Variants in TOX2 observed in about 807,000 individuals in gnomAD.
TOX2 encodes the protein TOX high mobility group box family member 2.
TOX2 carries 15 observed loss-of-function variants against 47.4 expected under a neutral mutation model. That is an observed-to-expected ratio of 0.32 (90% CI 0.21 to 0.49). TOX2 has a LOEUF of 0.49. Ranked by LOEUF, TOX2 falls within the 20% of genes least tolerant of loss-of-function variation. TOX2 has a pLI of 0.99. For missense variants in TOX2, 622 were observed against 673.1 expected, an observed-to-expected ratio of 0.92 and a Z score of 0.84; for synonymous variants, 290 against 296.6, an observed-to-expected ratio of 0.98 and a Z score of 0.23.
intron 3 of TOX2, among the ~76,000 whole-genome samples, chr20:44,049,868 A>AC (rs2071478032): frequency 6.6e-6 from 1 of 151,950 alleles, no homozygotes; most frequent in East Asian, 1.9e-4. Flanking sequence ...GGTATGTACC[A>AC]CATTTTCTTT....
intron 1 of TOX2, among the ~76,000 whole-genome samples, chr20:43,927,881 A>G (rs79651162): frequency 0.037 from 5,669 of 151,226 alleles, 360 homozygotes; most frequent in African/African-American, 0.13. Flanking sequence ...AGGAACAGGT[A>G]ATTAAGACAT....
chr20:43,980,354 G>T (rs111551069), intron 2 of TOX2, among the ~76,000 whole-genome samples: 259 of 152,316 alleles, frequency 1.7e-3, no homozygotes, highest in African/African-American at 5.9e-3. Context: ...GGGAGTAGAA[G>T]GATGGTTACC....
intron 1 of TOX2, among the ~76,000 whole-genome samples, chr20:43,954,677 C>T (rs899740880): frequency 6.6e-6 from 1 of 152,162 alleles, no homozygotes; most frequent in Non-Finnish European, 1.5e-5. Context: ...TCTCTGGGCA[C>T]CTGGGCAGCC....
At chr20:44,034,912 C>T (rs377611456) in intron 3 of TOX2, among the ~76,000 whole-genome samples, 3 of 152,364 alleles carry the variant, frequency 2.0e-5, no homozygotes, top group African/African-American at 7.2e-5. Flanking sequence ...ATCACCTTCA[C>T]TCTGCTCAAT....
intron 2 of TOX2, among the ~76,000 whole-genome samples, chr20:43,984,292 A>G (rs1169164800): frequency 6.6e-6 from 1 of 152,256 alleles, no homozygotes; most frequent in Non-Finnish European, 1.5e-5. Context: ...TCAAGACCAT[A>G]GATTTTGTTC....
Position 44,053,433 on chromosome 20 carries a change from G to GATATAT in TOX2, c.652-864_652-859dup, listed in dbSNP as rs144334824. Among the ~76,000 whole-genome samples, 579 of 98,144 alleles carry GATATAT rather than the reference G, an allele frequency of 5.9e-3. 2 individuals are homozygous for GATATAT. Among genetic ancestry groups the GATATAT allele is most frequent in the African/African-American group, 0.018 (544 of 30,908 alleles). 64.4% of individuals were successfully genotyped at this position (98,144 alleles called of 152,430 possible). A position where few individuals can be genotyped will look rare whatever the true frequency, so the allele number is the denominator to read the frequency against. On this transcript the variant is annotated intron_variant, in intron 4 of 8. Coordinates refer to ENST00000341197, the MANE Select transcript of TOX2 (RefSeq NM_001098797.2). ...GATTGTGCTCACAAGTGGGAGGGCA[G>GATATAT]ATATATACACACACACACACACACA...
intron 1 of TOX2, among the ~76,000 whole-genome samples, chr20:43,921,382 G>C (rs2069111135): frequency 6.6e-6 from 1 of 152,158 alleles, no homozygotes; most frequent in South Asian, 2.1e-4. Context: ...TGGCAGACTT[G>C]GGTTTGAACA....
intron 2 of TOX2, among the ~76,000 whole-genome samples, chr20:43,978,196 G>A (rs2070113815): frequency 6.6e-6 from 1 of 152,146 alleles, no homozygotes; most frequent in Admixed American, 6.5e-5. Context: ...TTGGAACTGT[G>A]AACCCAGGAG....
chr20:44,014,891 A>T (rs1301852050), intron 3 of TOX2, among the ~76,000 whole-genome samples: 1 of 152,128 alleles, frequency 6.6e-6, no homozygotes. Context: ...AGGGGAAGGC[A>T]TATTAGTTAC....
At chr20:43,956,164 G>T (rs1010405371) in intron 1 of TOX2, among the ~76,000 whole-genome samples, 2 of 152,148 alleles carry the variant, frequency 1.3e-5, no homozygotes, top group African/African-American at 4.8e-5. Context: ...CAAGGCCCTT[G>T]TCTAGGCCCC....
At chr20:44,025,319 A>T (rs2071043024) in intron 3 of TOX2, among the ~76,000 whole-genome samples, 1 of 151,414 alleles carries the variant, frequency 6.6e-6, no homozygotes, top group Non-Finnish European at 1.5e-5. Flanking sequence ...TCATAGGGTA[A>T]AGGGGTAGCC....
chr20:44,047,463 T>C (rs2071427635), intron 3 of TOX2, among the ~76,000 whole-genome samples: 1 of 152,192 alleles, frequency 6.6e-6, no homozygotes. Flanking sequence ...TAATGAATTA[T>C]CATGAAAGTT....
Position 44,037,203 on chromosome 20 carries a change from C to T in TOX2, c.412-14103C>T, listed in dbSNP as rs547201996. Among the ~76,000 whole-genome samples, 573 of 152,362 alleles carry T rather than the reference C, an allele frequency of 3.8e-3. 3 individuals are homozygous for T. The highest frequency in any genetic ancestry group is 5.7e-3 in the Non-Finnish European group (390 of 68,034). ...TCCTGACCTCAGGTGATCCACCCAC[C>T]TTGGCCTCCCAAAGTGTTGGGATTA... On this transcript the variant is annotated intron_variant, in intron 3 of 8. Coordinates refer to ENST00000341197, the MANE Select transcript of TOX2 (RefSeq NM_001098797.2).
In TOX2 at chr20:44,053,439, T is replaced by TATATACACAC. The variant is rs373458500; in HGVS notation, c.652-859_652-858insTATACACACA. Among the ~76,000 whole-genome samples, 344 of 143,136 alleles carry TATATACACAC rather than the reference T, an allele frequency of 2.4e-3. 1 individual carries two copies. The Middle Eastern group carries it at 0.026, about 11-fold the overall frequency. 93.9% of individuals were successfully genotyped at this position (143,136 alleles called of 152,430 possible). On this transcript the variant is annotated intron_variant, in intron 4 of 8. Transcript: ENST00000341197. ...GCTCACAAGTGGGAGGGCAGATATA[T>TATATACACAC]ACACACACACACACACACACACACA...
Position 44,051,309 on chromosome 20 carries a change from CAGG to C in TOX2, c.418_420del (p.Glu140del), listed in dbSNP as rs747307369. 1 of 1,605,082 alleles carries C rather than the reference CAGG, an allele frequency of 6.2e-7. No homozygotes were observed. Among genetic ancestry groups the C allele is most frequent in the Non-Finnish European group, 8.5e-7 (1 of 1,173,534 alleles). ...CCCTCCTGTCCTCCTCTCTTAGATC[CAGG>C]AGATGGTCCACTCGGAAGTGGCTGC... On this transcript the variant is annotated inframe_deletion, in exon 4 of 9. Coordinates refer to ENST00000341197, the MANE Select transcript of TOX2 (RefSeq NM_001098797.2).
intron 1 of TOX2, among the ~76,000 whole-genome samples, chr20:43,922,916 T>C (rs1415490834): frequency 6.6e-6 from 1 of 152,132 alleles, no homozygotes; most frequent in Non-Finnish European, 1.5e-5. Flanking sequence ...ATTTACTGGG[T>C]GAATGGCTAT....
intron 2 of TOX2, among the ~76,000 whole-genome samples, chr20:43,982,918 G>C (rs2070193351): frequency 6.6e-6 from 1 of 151,724 alleles, no homozygotes; most frequent in Non-Finnish European, 1.5e-5. Flanking sequence ...CTGGGAAATA[G>C]GGTACTTTGT....
intron 2 of TOX2, among the ~76,000 whole-genome samples, chr20:44,001,746 C>T (rs192885066): frequency 5.3e-5 from 8 of 152,192 alleles, no homozygotes; most frequent in Admixed American, 2.0e-4. Flanking sequence ...AGGGAGGTGT[C>T]GGTCAAAACA....
chr20:44,036,370 A>C (rs530350520), intron 3 of TOX2, among the ~76,000 whole-genome samples: 61 of 152,346 alleles, frequency 4.0e-4, no homozygotes, highest in Admixed American at 3.7e-3. Flanking sequence ...GGAGCCACAC[A>C]GACATTCATG....
Sources: allele counts gnomAD v4.1 joint callset (sites outside exome capture counted in the v4.1 genomes callset), GRCh38; gene constraint gnomAD v4.1.1; transcripts MANE v1.5; gene names NCBI Gene and HGNC (gene_info 2026-07-23, HGNC 2026-07-21).